Variants in CCDC171 observed in about 807,000 individuals in gnomAD.
CCDC171 encodes the protein coiled-coil domain containing 171, also known as coiled-coil domain-containing protein 171.
CCDC171 carries 177 observed loss-of-function variants against 168.2 expected under a neutral mutation model. The ratio of observed to expected loss-of-function variants is 1.05; its 90% CI spans 0.93 to 1.19. The LOEUF (loss-of-function observed/expected upper bound fraction) is 1.19, where lower values mean the gene tolerates loss of function less well. CCDC171 is among the 50% of genes most tolerant of loss of function. The probability of loss-of-function intolerance (pLI) is 0.00; values close to 1 mark genes in which losing one functional copy is unlikely to be tolerated. For missense variants in CCDC171, 1,991 were observed against 1,539.0 expected (o/e 1.29, Z -4.91); for synonymous variants, 687 against 540.8 (o/e 1.27, Z -3.75).
chr9:16,094,903 C>G, the CCDC171 span, among the ~76,000 whole-genome samples: 1 of 152,104 alleles, frequency 6.6e-6, no homozygotes, highest in Non-Finnish European at 1.5e-5. Context: ...TGATTGGATC[C>G]TGGGGGCAGA....
chr9:16,102,397 C>T, the CCDC171 span, among the ~76,000 whole-genome samples: 1 of 150,638 alleles, frequency 6.6e-6, no homozygotes, highest in Non-Finnish European at 1.5e-5. Context: ...TAGTTGCTGG[C>T]TCGCTAAGTA....
intron 6 of CCDC171, among the ~76,000 whole-genome samples, chr9:16,032,902 G>T (rs1182634431): frequency 6.6e-6 from 1 of 152,166 alleles, no homozygotes; most frequent in Non-Finnish European, 1.5e-5. Flanking sequence ...TCCAGGGCCT[G>T]GATTCCAGGT....
At chr9:15,945,867 A>G (rs937171895) in intron 25 of CCDC171, among the ~76,000 whole-genome samples, 3 of 151,104 alleles carry the variant, frequency 2.0e-5, no homozygotes, top group Non-Finnish European at 4.4e-5. Flanking sequence ...TTTGCTGTGC[A>G]GAAGCTCTTT....
chr9:15,951,302 C>T (rs1021420583), intron 25 of CCDC171, among the ~76,000 whole-genome samples: 100 of 151,538 alleles, frequency 6.6e-4, no homozygotes, highest in African/African-American at 1.9e-3. Context: ...ACTCTCCACC[C>T]GAAATCAACA....
chr9:15,785,801 G>A (rs2057919430), intron 21 of CCDC171, among the ~76,000 whole-genome samples: 1 of 151,948 alleles, frequency 6.6e-6, no homozygotes, highest in African/African-American at 2.4e-5. Flanking sequence ...TTGACAGCAT[G>A]CATTTGCCAG....
chr9:15,723,719 G>A lies in CCDC171; in HGVS notation c.1464G>A (p.Lys488=), dbSNP rs1489353428. The stretch of plus-strand genomic sequence containing the variant: ...ATGAACTTGATTCTACGAAACAGAA[G>A]ATAGACTCTCACACTAAAAATATAA... The part of the protein sequence containing the change: ...ACNELDSTKQ[K]IDSHTKNIKE... Residue 488 remains lysine, a synonymous_variant, in exon 13 of 26, where the codon AAG becomes AAA. Transcript: ENST00000380701. 2.5e-6 allele frequency: 4 copies of A among 1,570,164 alleles called. No individual in the cohort carries two copies. Among genetic ancestry groups the A allele is most frequent in the Non-Finnish European group, 3.5e-6 (4 of 1,146,900 alleles).
chr9:15,833,838 A>T (rs1342972852), intron 21 of CCDC171, among the ~76,000 whole-genome samples: 3 of 152,196 alleles, frequency 2.0e-5, no homozygotes, highest in Admixed American at 6.5e-5. Flanking sequence ...TCATTTGCAG[A>T]TGAGGAAACA....
chr9:15,986,792 C>T (rs193207215), intron 3 of CCDC171, among the ~76,000 whole-genome samples: 2 of 152,182 alleles, frequency 1.3e-5, no homozygotes, highest in Admixed American at 6.5e-5. Flanking sequence ...TGGTCATTAA[C>T]ACAGATTCTA....
intron 6 of CCDC171, among the ~76,000 whole-genome samples, chr9:16,026,076 G>C (rs16933970): frequency 0.014 from 2,084 of 152,270 alleles, 41 homozygotes; most frequent in African/African-American, 0.046. Flanking sequence ...GGAAGATCAC[G>C]ATACTCAGAG....
intron 3 of CCDC171, among the ~76,000 whole-genome samples, chr9:16,020,191 G>T (rs1589331625): frequency 1.3e-5 from 2 of 152,246 alleles, no homozygotes; most frequent in East Asian, 3.9e-4. Context: ...TTTGTTTCAT[G>T]CACAAAATTA....
At chr9:15,646,154 A>G (rs910768283) in intron 7 of CCDC171, among the ~76,000 whole-genome samples, 18 of 152,346 alleles carry the variant, frequency 1.2e-4, no homozygotes, top group Non-Finnish European at 2.6e-4. Context: ...ACTAAGCTTC[A>G]TAAGTGAAGG....
chr9:15,927,596 T>A (rs964918511), intron 25 of CCDC171, among the ~76,000 whole-genome samples: 3 of 151,742 alleles, frequency 2.0e-5, no homozygotes, highest in African/African-American at 7.3e-5. Context: ...CAGAGGACCA[T>A]TCCATTAGTG....
At chr9:16,069,650 A>G in the CCDC171 span, among the ~76,000 whole-genome samples, 1 of 152,212 alleles carries the variant, frequency 6.6e-6, no homozygotes, top group Non-Finnish European at 1.5e-5. Context: ...CTTCAAGGGT[A>G]TTTGGGGAGC....
chr9:16,086,801 TGTTAGG>T, the CCDC171 span, among the ~76,000 whole-genome samples: 1 of 152,200 alleles, frequency 6.6e-6, no homozygotes, highest in African/African-American at 2.4e-5. Context: ...TTAATTGTGA[TGTTAGG>T]GTTTTAGATC....
intron 20 of CCDC171, among the ~76,000 whole-genome samples, chr9:15,779,454 G>T (rs953806477): frequency 1.3e-5 from 2 of 152,044 alleles, no homozygotes; most frequent in Non-Finnish European, 2.9e-5. Context: ...CTGCCCCCCG[G>T]GTTCAAGTGA....
chr9:16,100,320 C>T, the CCDC171 span, among the ~76,000 whole-genome samples: 1 of 152,204 alleles, frequency 6.6e-6, no homozygotes, highest in East Asian at 1.9e-4. Context: ...TGATTTCATC[C>T]GAGTAAAAAC....
At chr9:15,825,369 C>G (rs1354215141) in intron 21 of CCDC171, among the ~76,000 whole-genome samples, 1 of 152,104 alleles carries the variant, frequency 6.6e-6, no homozygotes, top group Non-Finnish European at 1.5e-5. Flanking sequence ...TTTGGATTCT[C>G]ATGAGGATCC....
At chr9:15,953,970 A>G (rs1829494576) in intron 25 of CCDC171, among the ~76,000 whole-genome samples, 3 of 151,996 alleles carry the variant, frequency 2.0e-5, no homozygotes, top group Non-Finnish European at 4.4e-5. Context: ...ACAATTGTTC[A>G]TAGTACTCTT....
intron 3 of CCDC171, among the ~76,000 whole-genome samples, chr9:16,011,193 A>G (rs1220391737): frequency 2.0e-5 from 3 of 152,068 alleles, no homozygotes; most frequent in Non-Finnish European, 4.4e-5. Flanking sequence ...TGTAGTGGCT[A>G]TGAGGTGACC....
Sources: allele counts gnomAD v4.1 joint callset (sites outside exome capture counted in the v4.1 genomes callset), GRCh38; gene constraint gnomAD v4.1.1; transcripts MANE v1.5; gene names NCBI Gene and HGNC (gene_info 2026-07-23, HGNC 2026-07-21).